The following PRKCE variants were observed in gnomAD, a reference collection of about 807,000 sequenced individuals.
The protein encoded by PRKCE is protein kinase C epsilon.
Under a neutral mutation model 85.4 loss-of-function variants are expected in PRKCE, and 16 were observed. The ratio of observed to expected loss-of-function variants is 0.19; its 90% CI spans 0.13 to 0.28. The LOEUF is 0.28. PRKCE is among the 10% of genes least tolerant of loss of function. The probability of loss-of-function intolerance (pLI) is 1.00; values close to 1 mark genes in which losing one functional copy is unlikely to be tolerated. For missense variants in PRKCE, 573 were observed against 975.2 expected (o/e 0.59, Z 5.49); for synonymous variants, 388 against 371.5 (o/e 1.04, Z -0.51).
At chr2:45,813,467 G>A (rs149706359) in intron 1 of PRKCE, among the ~76,000 whole-genome samples, 1 of 152,304 alleles carries the variant, frequency 6.6e-6, no homozygotes, top group African/African-American at 2.4e-5. Context: ...GTGCAGACGG[G>A]GGCTGTAGTT....
intron 1 of PRKCE, among the ~76,000 whole-genome samples, chr2:45,684,278 A>G (rs1394605644): frequency 1.3e-5 from 2 of 152,208 alleles, no homozygotes; most frequent in Non-Finnish European, 2.9e-5. Context: ...TCTTTGATTA[A>G]CCAGAAGGTC....
At chr2:45,815,219 C>G (rs945332933) in intron 1 of PRKCE, among the ~76,000 whole-genome samples, 6 of 152,200 alleles carry the variant, frequency 3.9e-5, no homozygotes, top group African/African-American at 1.4e-4. Context: ...GGTCTCTCTT[C>G]AGTGGTTCAG....
intron 11 of PRKCE, among the ~76,000 whole-genome samples, chr2:46,105,075 A>G (rs992453492): frequency 2.1e-4 from 32 of 151,798 alleles, no homozygotes; most frequent in African/African-American, 7.7e-4. Context: ...CTATTTGGGC[A>G]GATGTCTGTT....
intron 5 of PRKCE, among the ~76,000 whole-genome samples, chr2:45,982,976 G>A (rs1170094696): frequency 2.0e-5 from 3 of 152,188 alleles, no homozygotes; most frequent in Non-Finnish European, 4.4e-5. Flanking sequence ...AATAGAGTGG[G>A]CACAGTGATC....
chr2:45,875,557 T>A (rs1694410627), intron 2 of PRKCE, among the ~76,000 whole-genome samples: 2 of 152,194 alleles, frequency 1.3e-5, no homozygotes, highest in South Asian at 4.1e-4. Flanking sequence ...GATTTACACA[T>A]ATGGGAAAGG....
intron 2 of PRKCE, among the ~76,000 whole-genome samples, chr2:45,946,276 C>T (rs1185057646): frequency 6.6e-6 from 1 of 152,244 alleles, no homozygotes; most frequent in Non-Finnish European, 1.5e-5. Flanking sequence ...ACTAACAGTG[C>T]AGTGAGGCCA....
intron 11 of PRKCE, among the ~76,000 whole-genome samples, chr2:46,118,078 G>T (rs1254700491): frequency 6.6e-6 from 1 of 152,150 alleles, no homozygotes; most frequent in Non-Finnish European, 1.5e-5. Context: ...TGAACAATAA[G>T]AAAAAATGTT....
In PRKCE at chr2:45,812,623, C is replaced by T. The variant is rs147466795; in HGVS notation, c.349-30377C>T. On this transcript the variant is annotated intron_variant, in intron 1 of 14. Coordinates refer to ENST00000306156, the MANE Select transcript of PRKCE (RefSeq NM_005400.3). ...GATGAGGATTAAATTAGCTAACAGA[C>T]GTAAAACACTTATTACGCCCGTGCC... is the stretch of plus-strand genomic sequence containing the variant. Among the ~76,000 whole-genome samples, 741 of 152,330 alleles carry T rather than the reference C, an allele frequency of 4.9e-3. 6 individuals are homozygous for T. Among genetic ancestry groups the T allele is most frequent in the African/African-American group, 0.017 (705 of 41,580 alleles).
chr2:46,146,291 A>T (rs1218324048), intron 12 of PRKCE, among the ~76,000 whole-genome samples: 2 of 152,260 alleles, frequency 1.3e-5, no homozygotes, highest in African/African-American at 4.8e-5. Flanking sequence ...TCCCCACTAA[A>T]CATCGCCCAT....
intron 1 of PRKCE, among the ~76,000 whole-genome samples, chr2:45,763,363 G>A (rs1684667977): frequency 6.6e-6 from 1 of 152,196 alleles, no homozygotes; most frequent in Admixed American, 6.5e-5. Flanking sequence ...GTAAAAAACA[G>A]CAGAGACCTG....
chr2:45,860,761 G>A (rs1249969310), intron 2 of PRKCE, among the ~76,000 whole-genome samples: 2 of 152,120 alleles, frequency 1.3e-5, no homozygotes, highest in Non-Finnish European at 2.9e-5. Flanking sequence ...TTTTGACTTT[G>A]CATGGTACAC....
chr2:46,060,997 A>C (rs920991471), intron 10 of PRKCE, among the ~76,000 whole-genome samples: 1 of 151,386 alleles, frequency 6.6e-6, no homozygotes, highest in African/African-American at 2.4e-5. Context: ...CCCGACCTCA[A>C]GTGATTCGCC....
intron 1 of PRKCE, among the ~76,000 whole-genome samples, chr2:45,687,692 C>G (rs1300472833): frequency 6.6e-6 from 1 of 152,172 alleles, no homozygotes; most frequent in African/African-American, 2.4e-5. Context: ...TTCTAGTTTC[C>G]TGACACTTGA....
chr2:46,151,792 C>T (rs61759989), intron 13 of PRKCE, among the ~76,000 whole-genome samples: 5,636 of 152,344 alleles, frequency 0.037, 303 homozygotes, highest in African/African-American at 0.12. Context: ...CAGAGACTGA[C>T]CCTGCCCTAG....
intron 2 of PRKCE, among the ~76,000 whole-genome samples, chr2:45,857,951 A>T (rs1207707612): frequency 1.3e-5 from 2 of 152,214 alleles, no homozygotes; most frequent in African/African-American, 4.8e-5. Flanking sequence ...GAGGTGGCTG[A>T]GTTGCTTGGC....
At chr2:45,829,285 G>A (rs1187871005) in intron 1 of PRKCE, among the ~76,000 whole-genome samples, 1 of 152,106 alleles carries the variant, frequency 6.6e-6, no homozygotes, top group Non-Finnish European at 1.5e-5. Flanking sequence ...CATTTCGTCG[G>A]CAGCGTATAA....
intron 2 of PRKCE, among the ~76,000 whole-genome samples, chr2:45,915,087 C>T (rs140729311): frequency 2.2e-3 from 336 of 152,334 alleles, no homozygotes; most frequent in African/African-American, 7.7e-3. Context: ...TGGGGTTTCA[C>T]CATGTTGGCC....
chr2:46,153,014 TC>T, intron 13 of PRKCE, among the ~76,000 whole-genome samples: 1 of 152,182 alleles, frequency 6.6e-6, no homozygotes, highest in East Asian at 1.9e-4. Context: ...ATTCCTTCTC[TC>T]CCCTCTGCCC....
In PRKCE at chr2:45,872,803, G is replaced by A. The variant is rs187776921; in HGVS notation, c.412+29740G>A. On this transcript the variant is annotated intron_variant, in intron 2 of 14. Transcript: ENST00000306156. ...CATTTCAAATTTGAGATGTCTAGGAGATATCCAGATGTCTGGATAAATGGC... is the reference window on the plus strand; with the variant it reads ...CATTTCAAATTTGAGATGTCTAGGAAATATCCAGATGTCTGGATAAATGGC... 4.3e-3 allele frequency among the ~76,000 whole-genome samples: 662 copies of A among 152,332 alleles called. 3 individuals carry two copies. The highest frequency in any genetic ancestry group is 4.2e-3 in the Non-Finnish European group (284 of 68,026).
Sources: allele counts gnomAD v4.1 joint callset (sites outside exome capture counted in the v4.1 genomes callset), GRCh38; gene constraint gnomAD v4.1.1; transcripts MANE v1.5; gene names NCBI Gene and HGNC (gene_info 2026-07-23, HGNC 2026-07-21).